Variants in CCDC91 observed in about 807,000 individuals in gnomAD.
The protein encoded by CCDC91 is coiled-coil domain containing 91, also known as coiled-coil domain-containing protein 91.
Under a neutral mutation model 63.2 loss-of-function variants are expected in CCDC91, and 48 were observed. That is an observed-to-expected ratio of 0.76 (90% CI 0.60 to 0.97). The LOEUF is 0.97. Among genes scored for constraint, CCDC91 ranks in the 50% least tolerant of loss-of-function variants. The pLI is 0.00. For missense variants in CCDC91, 500 were observed against 494.6 expected, an observed-to-expected ratio of 1.01 and a Z score of -0.10; for synonymous variants, 167 against 165.8, an observed-to-expected ratio of 1.01 and a Z score of -0.06.
intron 12 of CCDC91, among the ~76,000 whole-genome samples, chr12:28,513,851 C>T (rs1939645837): frequency 6.6e-6 from 1 of 151,800 alleles, no homozygotes. Flanking sequence ...TTTTCTTTAT[C>T]CAGTCTGTTA....
chr12:28,385,669 AG>A (rs1394178833), intron 7 of CCDC91, among the ~76,000 whole-genome samples: 6 of 152,226 alleles, frequency 3.9e-5, no homozygotes, highest in African/African-American at 1.4e-4. Flanking sequence ...ATCAGTACAA[AG>A]ATGATATTAA....
chr12:28,273,585 G>A (rs2136420279), intron 3 of CCDC91, among the ~76,000 whole-genome samples: 1 of 152,196 alleles, frequency 6.6e-6, no homozygotes, highest in African/African-American at 2.4e-5. Flanking sequence ...TTTCTCTGAT[G>A]GCCAGTGATG....
chr12:28,441,057 C>CA lies in CCDC91; in HGVS notation c.763-9077dup, dbSNP rs60278449. 3.0e-4 allele frequency among the ~76,000 whole-genome samples: 16 copies of CA among 52,700 alleles called. 3 individuals carry two copies. In the East Asian group the frequency reaches 3.1e-3, roughly 10 times the overall value. The allele number at this position is 52,700 out of a possible 152,430, so 34.6% of individuals were successfully genotyped here. A position where few individuals can be genotyped will look rare whatever the true frequency, so the allele number is the denominator to read the frequency against. ...TGGGTGACAGAGCAAGACTCCATCT[C>CA]AAAAAAAAAAAAAAAAAAAAAAAAA... On this transcript the variant is annotated intron_variant, in intron 8 of 12. Transcript: ENST00000536442.
At chr12:28,381,358 TATA>T (rs1945286749) in intron 7 of CCDC91, among the ~76,000 whole-genome samples, 1 of 152,070 alleles carries the variant, frequency 6.6e-6, no homozygotes, top group African/African-American at 2.4e-5. Context: ...TAATAGGGGA[TATA>T]ATAATTTGCC....
At chr12:28,278,008 G>A (rs1166210090) in intron 3 of CCDC91, among the ~76,000 whole-genome samples, 6 of 151,868 alleles carry the variant, frequency 4.0e-5, no homozygotes, top group African/African-American at 1.5e-4. Flanking sequence ...CTTTGTTCTG[G>A]TTGTGCTATT....
At chr12:28,278,560 A>T (rs544021010) in intron 3 of CCDC91, among the ~76,000 whole-genome samples, 1 of 152,130 alleles carries the variant, frequency 6.6e-6, no homozygotes, top group African/African-American at 2.4e-5. Context: ...AGCATAAGCC[A>T]GATAACTACC....
intron 8 of CCDC91, among the ~76,000 whole-genome samples, chr12:28,431,113 ACATATGATATTAATTCTTTGAAATGTGAT>A (rs1431018439): frequency 6.6e-6 from 1 of 152,182 alleles, no homozygotes; most frequent in African/African-American, 2.4e-5. Flanking sequence ...TCACACACAC[ACATATGATATTAATTCTTTGAAATGTGAT>A]AATGTCCTAC....
chr12:28,309,112 C>T (rs191097696), intron 6 of CCDC91, among the ~76,000 whole-genome samples: 2 of 152,112 alleles, frequency 1.3e-5, no homozygotes, highest in East Asian at 3.9e-4. Context: ...ACTCACATAT[C>T]TCTGCCTGGA....
chr12:28,469,145 TATA>T (rs962053624), intron 11 of CCDC91, among the ~76,000 whole-genome samples: 5 of 151,920 alleles, frequency 3.3e-5, no homozygotes, highest in Non-Finnish European at 5.9e-5. Context: ...GAAGTCAAAT[TATA>T]ATTATTTTTT....
chr12:28,450,278 T>C, intron 9 of CCDC91, 25 bp downstream of exon 9: 5 of 1,580,800 alleles, frequency 3.2e-6, no homozygotes, highest in East Asian at 2.2e-5. Flanking sequence ...GTGCTCAGAG[T>C]GTAGAAAGAA....
chr12:28,272,042 A>G (rs1947805712), intron 3 of CCDC91, among the ~76,000 whole-genome samples: 1 of 151,830 alleles, frequency 6.6e-6, no homozygotes, highest in East Asian at 1.9e-4. Context: ...TGGTCTGCAC[A>G]ACGTAGATAT....
chr12:28,220,744 A>G (rs184435494), intron 1 of CCDC91, among the ~76,000 whole-genome samples: 1 of 152,108 alleles, frequency 6.6e-6, no homozygotes, highest in East Asian at 1.9e-4. Context: ...TTCCTCTTTA[A>G]GTTGAAAGAC....
intron 8 of CCDC91, among the ~76,000 whole-genome samples, chr12:28,440,394 A>G (rs1380937867): frequency 1.3e-5 from 2 of 152,180 alleles, no homozygotes; most frequent in Non-Finnish European, 2.9e-5. Flanking sequence ...ATACAAACCA[A>G]TTAGTATACC....
At chr12:28,396,863 G>A (rs1946327145) in intron 8 of CCDC91, among the ~76,000 whole-genome samples, 1 of 152,052 alleles carries the variant, frequency 6.6e-6, no homozygotes, top group African/African-American at 2.4e-5. Context: ...TGGATATGTT[G>A]AGTTTATATT....
At chr12:28,245,777 T>G (rs1945694502) in intron 1 of CCDC91, among the ~76,000 whole-genome samples, 1 of 152,180 alleles carries the variant, frequency 6.6e-6, no homozygotes, top group African/African-American at 2.4e-5. Flanking sequence ...AGATGCCATT[T>G]AAAACCAAGT....
chr12:28,484,038 T>G lies in CCDC91; in HGVS notation c.1102-14T>G. The G allele has an allele frequency of 6.3e-7, 1 of 1,575,640 alleles. No individual in the cohort carries two copies. The highest frequency in any genetic ancestry group is 8.7e-7 in the Non-Finnish European group (1 of 1,149,996). On this transcript the variant is annotated splice_polypyrimidine_tract_variant and intron_variant, in intron 11 of 12. Coordinates refer to ENST00000536442, the MANE Select transcript of CCDC91 (RefSeq NM_018318.5). ...GCTCACCTCCCTGACTGTTTTGCCTTCTCCCACAAACAGGAAACTGTTAAG... is the reference window on the plus strand; with the variant it reads ...GCTCACCTCCCTGACTGTTTTGCCTGCTCCCACAAACAGGAAACTGTTAAG...
chr12:28,321,300 T>A (rs952551633), intron 6 of CCDC91, among the ~76,000 whole-genome samples: 5 of 151,922 alleles, frequency 3.3e-5, no homozygotes, highest in African/African-American at 1.2e-4. Context: ...TTTATATAGT[T>A]ATTGTTTGGC....
intron 12 of CCDC91, among the ~76,000 whole-genome samples, chr12:28,535,809 A>G (rs1942109153): frequency 6.6e-6 from 1 of 152,066 alleles, no homozygotes; most frequent in Admixed American, 6.6e-5. Context: ...TGGGCAGATC[A>G]TGAGGTCAGG....
At chr12:28,209,720 T>C (rs11519330) in intron 1 of CCDC91, among the ~76,000 whole-genome samples, 39,701 of 152,156 alleles carry the variant, frequency 0.26, 5,449 homozygotes, top group Non-Finnish European at 0.31. Context: ...TGTGAGTTGC[T>C]ACACCCAGCT....
Sources: gnomAD v4.1 joint callset for allele counts (sites outside exome capture counted in the v4.1 genomes callset) on GRCh38, gnomAD v4.1.1 for gene constraint, MANE v1.5 for transcripts, NCBI Gene and HGNC (gene_info 2026-07-23, HGNC 2026-07-21) for gene names.